The following GPC6 variants were observed in gnomAD, a reference collection of about 807,000 sequenced individuals.
GPC6 encodes glypican 6, also known as glypican-6.
Under a neutral mutation model 55.2 loss-of-function variants are expected in GPC6, and 14 were observed. The ratio of observed to expected loss-of-function variants is 0.25; its 90% CI spans 0.17 to 0.40. The LOEUF (loss-of-function observed/expected upper bound fraction) is 0.40, where lower values mean the gene tolerates loss of function less well. GPC6 is among the 10% of genes least tolerant of loss of function. The pLI is 1.00. For synonymous variants in GPC6, 278 were observed against 259.6 expected (o/e 1.07, Z -0.68); for missense variants, 641 against 708.5 (o/e 0.90, Z 1.08).
chr13:93,768,905 C>T (rs539144344), intron 2 of GPC6, among the ~76,000 whole-genome samples: 2 of 151,982 alleles, frequency 1.3e-5, no homozygotes, highest in Non-Finnish European at 2.9e-5. Context: ...TTACTAGATC[C>T]CAACTGGGAG....
intron 1 of GPC6, among the ~76,000 whole-genome samples, chr13:93,337,232 T>C (rs1472564036): frequency 3.3e-5 from 5 of 152,220 alleles, no homozygotes; most frequent in Admixed American, 1.3e-4. Context: ...AGCTTGATTT[T>C]CTGTGCATTA....
In GPC6 at chr13:93,854,238, G is replaced by T. The variant is rs868232872; in HGVS notation, c.711+23693G>T. On this transcript the variant is annotated intron_variant, in intron 3 of 8. Coordinates refer to ENST00000377047, the MANE Select transcript of GPC6 (RefSeq NM_005708.5). ...CATAAACACTGAGTGAGCAGTTTGG[G>T]GAACAGCAATAATCTTTTTTCCTTC... Among the ~76,000 whole-genome samples the T allele has an allele frequency of 2.9e-3, 442 of 151,614 alleles. 5 individuals carry two copies. The highest frequency in any genetic ancestry group is 1.0e-2 in the African/African-American group (413 of 41,442).
chr13:94,103,673 A>G (rs1010478205), intron 4 of GPC6, among the ~76,000 whole-genome samples: 2 of 152,200 alleles, frequency 1.3e-5, no homozygotes, highest in African/African-American at 4.8e-5. Context: ...TGTTGGCTGC[A>G]TAAATGTCTT....
At chr13:93,433,530 T>C (rs1343570850) in intron 1 of GPC6, among the ~76,000 whole-genome samples, 1 of 152,194 alleles carries the variant, frequency 6.6e-6, no homozygotes, top group Non-Finnish European at 1.5e-5. Context: ...CCAGGATTAT[T>C]ATAAAATCTT....
chr13:93,999,381 A>G (rs1439686779), intron 3 of GPC6, among the ~76,000 whole-genome samples: 4 of 152,206 alleles, frequency 2.6e-5, no homozygotes, highest in African/African-American at 4.8e-5. Flanking sequence ...ATGGCTGCAT[A>G]GTATTCCATG....
chr13:93,427,982 T>G (rs559513588), intron 1 of GPC6, among the ~76,000 whole-genome samples: 2 of 152,272 alleles, frequency 1.3e-5, no homozygotes, highest in South Asian at 4.1e-4. Flanking sequence ...GTGAAATAAT[T>G]ATTCACACCA....
At chr13:94,386,915 C>T (rs577187986) in intron 7 of GPC6, among the ~76,000 whole-genome samples, 1 of 152,150 alleles carries the variant, frequency 6.6e-6, no homozygotes, top group South Asian at 2.1e-4. Flanking sequence ...AGCTCTCTAC[C>T]GTACTTCCTT....
intron 6 of GPC6, among the ~76,000 whole-genome samples, chr13:94,357,741 A>G (rs1878866589): frequency 6.6e-6 from 1 of 152,034 alleles, no homozygotes. Context: ...AGTTTAATTA[A>G]CTTTGGGTCA....
intron 2 of GPC6, among the ~76,000 whole-genome samples, chr13:93,570,992 G>T (rs941602117): frequency 6.6e-6 from 1 of 151,884 alleles, no homozygotes; most frequent in Non-Finnish European, 1.5e-5. Context: ...TAAAATCTGG[G>T]ATTTAACATT....
intron 4 of GPC6, among the ~76,000 whole-genome samples, chr13:94,155,292 C>G (rs1024500660): frequency 1.3e-5 from 2 of 152,094 alleles, no homozygotes; most frequent in Non-Finnish European, 2.9e-5. Flanking sequence ...TCCTAATGAC[C>G]CAAGCCAGAA....
intron 2 of GPC6, among the ~76,000 whole-genome samples, chr13:93,796,442 A>G (rs770207227): frequency 2.0e-5 from 3 of 152,192 alleles, no homozygotes; most frequent in Non-Finnish European, 4.4e-5. Context: ...CAGTACTAAT[A>G]GGCTTCACAT....
chr13:93,511,542 CT>C (rs545379224), intron 1 of GPC6, among the ~76,000 whole-genome samples: 1 of 151,780 alleles, frequency 6.6e-6, no homozygotes, highest in African/African-American at 2.4e-5. Flanking sequence ...TGTGTATCTA[CT>C]TTTTTCCAAT....
intron 3 of GPC6, among the ~76,000 whole-genome samples, chr13:93,918,626 C>T (rs184208804): frequency 2.8e-3 from 433 of 152,244 alleles, no homozygotes; most frequent in Non-Finnish European, 4.5e-3. Context: ...TTGTACCAAC[C>T]GATGGCCCTC....
intron 4 of GPC6, among the ~76,000 whole-genome samples, chr13:94,182,319 A>T (rs1889026614): frequency 6.6e-6 from 1 of 152,132 alleles, no homozygotes; most frequent in South Asian, 2.1e-4. Flanking sequence ...TAAGAGCTGG[A>T]CTGTTTTCCT....
intron 3 of GPC6, among the ~76,000 whole-genome samples, chr13:93,887,128 T>C (rs1875388591): frequency 6.6e-6 from 1 of 152,062 alleles, no homozygotes. Flanking sequence ...TAAAATATGA[T>C]GAACACAACA....
At chr13:93,261,360 G>T (rs1196710247) in intron 1 of GPC6, among the ~76,000 whole-genome samples, 2 of 152,188 alleles carry the variant, frequency 1.3e-5, no homozygotes, top group South Asian at 2.1e-4. Flanking sequence ...TTCCAGGAAT[G>T]ATTCTTCTTA....
At chr13:93,969,698 C>T (rs1880198911) in intron 3 of GPC6, among the ~76,000 whole-genome samples, 4 of 151,958 alleles carry the variant, frequency 2.6e-5, no homozygotes, top group Non-Finnish European at 5.9e-5. Context: ...ACATTTACAT[C>T]CATTTTTTTT....
At chr13:93,987,710 A>AC (rs1009840939) in intron 3 of GPC6, among the ~76,000 whole-genome samples, 4 of 151,832 alleles carry the variant, frequency 2.6e-5, no homozygotes, top group South Asian at 2.1e-4. Context: ...AGACACTGTG[A>AC]CCCCCCTTCT....
At chr13:94,196,404 T>C (rs966155507) in intron 4 of GPC6, among the ~76,000 whole-genome samples, 2 of 152,196 alleles carry the variant, frequency 1.3e-5, no homozygotes, top group Non-Finnish European at 2.9e-5. Context: ...TCATGTTAAC[T>C]GTCATTAATC....
Sources: gnomAD v4.1 joint callset for allele counts (sites outside exome capture counted in the v4.1 genomes callset) on GRCh38, gnomAD v4.1.1 for gene constraint, MANE v1.5 for transcripts, NCBI Gene and HGNC (gene_info 2026-07-23, HGNC 2026-07-21) for gene names.